The following KSR2 variants were observed in gnomAD, a reference collection of about 807,000 sequenced individuals.
The protein encoded by KSR2 is kinase suppressor of ras 2.
In KSR2, 25 loss-of-function variants were observed where a neutral mutation model predicts 107.8. The ratio of observed to expected loss-of-function variants is 0.23; its 90% CI spans 0.17 to 0.32. The LOEUF is 0.32. KSR2 is among the 10% of genes least tolerant of loss of function. The pLI is 1.00. For missense variants in KSR2, 887 were observed against 1,268.9 expected, an observed-to-expected ratio of 0.70 and a Z score of 4.57; for synonymous variants, 480 against 507.0, an observed-to-expected ratio of 0.95 and a Z score of 0.71.
chr12:117,655,268 T>A (rs1168412307), intron 5 of KSR2, among the ~76,000 whole-genome samples: 2 of 152,206 alleles, frequency 1.3e-5, no homozygotes, highest in Non-Finnish European at 2.9e-5. Context: ...GCATTGCCTC[T>A]GACCAAGGCA....
intron 4 of KSR2, among the ~76,000 whole-genome samples, chr12:117,755,385 A>C (rs1006805604): frequency 6.6e-6 from 1 of 152,194 alleles, no homozygotes; most frequent in African/African-American, 2.4e-5. Flanking sequence ...TCTGTGTCAC[A>C]TTTTGGTCAT....
chr12:117,590,880 CAGCAGAAAGATTTTTTCCATGG>C (rs1277880708), intron 5 of KSR2, among the ~76,000 whole-genome samples: 32 of 152,260 alleles, frequency 2.1e-4, no homozygotes, highest in African/African-American at 7.7e-4. Context: ...CTTGGCTAAT[CAGCAGAAAGATTTTTTCCATGG>C]AGCCAGAAGA....
chr12:117,818,196 G>C (rs567269394), intron 3 of KSR2, among the ~76,000 whole-genome samples: 108 of 152,246 alleles, frequency 7.1e-4, no homozygotes, highest in African/African-American at 2.5e-3. Flanking sequence ...CAATCTCTGG[G>C]GTCACACTGC....
intron 4 of KSR2, among the ~76,000 whole-genome samples, chr12:117,715,017 C>T (rs1338414673): frequency 2.6e-5 from 4 of 151,742 alleles, no homozygotes; most frequent in African/African-American, 9.7e-5. Flanking sequence ...TTCAGAGCCC[C>T]AGAAAAAAAA....
intron 7 of KSR2, among the ~76,000 whole-genome samples, chr12:117,578,694 G>A (rs955871121): frequency 1.3e-4 from 19 of 151,766 alleles, no homozygotes; most frequent in African/African-American, 4.4e-4. Flanking sequence ...GCCACAGCCA[G>A]CCTGCAGTCT....
At chr12:117,664,568 C>T (rs1884575822) in intron 5 of KSR2, among the ~76,000 whole-genome samples, 1 of 152,118 alleles carries the variant, frequency 6.6e-6, no homozygotes, top group Non-Finnish European at 1.5e-5. Context: ...CAACCCCAAG[C>T]CCCACCCAGA....
rs192886889 is a variant in KSR2 at position 117,897,036 on chromosome 12, C to A, written c.181-36605G>T. 2.6e-4 allele frequency among the ~76,000 whole-genome samples: 40 copies of A among 152,266 alleles called. No individual in the cohort carries two copies. Among genetic ancestry groups the A allele is most frequent in the Admixed American group, 2.4e-3 (36 of 15,292 alleles). On this transcript the variant is annotated intron_variant, in intron 1 of 19. Coordinates refer to ENST00000339824, the MANE Select transcript of KSR2 (RefSeq NM_173598.6). The surrounding 1 kb of genome is among the most constrained non-coding windows in gnomAD (Gnocchi z 4.5). ...GGGCAGTGATACTTCATCTGCCTAACCAGGAGGTGTTAGAGTGAAGAGGTT... is the reference window on the plus strand; with the variant it reads ...GGGCAGTGATACTTCATCTGCCTAAACAGGAGGTGTTAGAGTGAAGAGGTT...
At chr12:117,725,792 C>T (rs1887401925) in intron 4 of KSR2, among the ~76,000 whole-genome samples, 1 of 151,576 alleles carries the variant, frequency 6.6e-6, no homozygotes, top group African/African-American at 2.4e-5. Context: ...CTAAAAAATA[C>T]AAAAATTAGC....
At chr12:117,483,780 A>T (rs529966909) in intron 16 of KSR2, among the ~76,000 whole-genome samples, 1 of 152,344 alleles carries the variant, frequency 6.6e-6, no homozygotes, top group Admixed American at 6.5e-5. Flanking sequence ...TAATTGCTAC[A>T]ACTCAGCAGC....
chr12:117,936,548 G>T (rs1022393195), intron 1 of KSR2, among the ~76,000 whole-genome samples: 2 of 150,666 alleles, frequency 1.3e-5, no homozygotes, highest in East Asian at 2.0e-4. Context: ...AGTAGTAGTA[G>T]TAGTAGTAGT....
At chr12:117,888,623 A>G (rs538857105) in intron 1 of KSR2, among the ~76,000 whole-genome samples, 1 of 152,202 alleles carries the variant, frequency 6.6e-6, no homozygotes, top group African/African-American at 2.4e-5. Context: ...CCATGTGAGG[A>G]CACAGAAAGA....
At chr12:117,633,867 C>G (rs573781290) in intron 5 of KSR2, among the ~76,000 whole-genome samples, 113 of 152,294 alleles carry the variant, frequency 7.4e-4, no homozygotes, top group African/African-American at 2.6e-3. Context: ...ATTTCACCTG[C>G]ACTGTGCTCC....
intron 7 of KSR2, among the ~76,000 whole-genome samples, chr12:117,578,583 C>G (rs557389578): frequency 7.9e-6 from 1 of 126,826 alleles, no homozygotes; most frequent in Admixed American, 1.1e-4. Context: ...CCCTGGGTGA[C>G]AGAGCAAGAC....
chr12:117,889,430 C>T (rs775414492), intron 1 of KSR2: 4 of 152,124 alleles, frequency 2.6e-5, no homozygotes, highest in Non-Finnish European at 5.9e-5. Context: ...AATCCTCACT[C>T]GCAGCCTCTT....
chr12:117,825,350 T>TG (rs1171546784), intron 3 of KSR2, among the ~76,000 whole-genome samples: 6 of 151,992 alleles, frequency 3.9e-5, no homozygotes, highest in Admixed American at 3.9e-4. Flanking sequence ...GATGCATGGT[T>TG]GGGGGCATGG....
intron 10 of KSR2, 87 bp downstream of exon 10, chr12:117,539,632 A>T (rs1487747496): frequency 1.5e-6 from 2 of 1,306,206 alleles, no homozygotes. Flanking sequence ...GACTTGCTGC[A>T]TCAGGGCTCT....
intron 1 of KSR2, among the ~76,000 whole-genome samples, chr12:117,948,489 CA>C (rs1180417915): frequency 0.011 from 963 of 90,348 alleles, 6 homozygotes; most frequent in Middle Eastern, 0.025. Context: ...GACTCCGTCT[CA>C]AAAAAAAAAA....
chr12:117,807,646 A>G (rs973074459), intron 3 of KSR2, among the ~76,000 whole-genome samples: 1 of 152,196 alleles, frequency 6.6e-6, no homozygotes, highest in South Asian at 2.1e-4. Flanking sequence ...CTATAAATGC[A>G]TCATAAACAT....
At chr12:117,789,527 G>C (rs1348910816) in intron 3 of KSR2, among the ~76,000 whole-genome samples, 1 of 152,244 alleles carries the variant, frequency 6.6e-6, no homozygotes, top group African/African-American at 2.4e-5. Context: ...GCTCAGAGAA[G>C]CAAAGGATGT....
Sources: allele counts gnomAD v4.1 joint callset (sites outside exome capture counted in the v4.1 genomes callset), GRCh38; gene constraint gnomAD v4.1.1; non-coding constraint Gnocchi (gnomAD v3.1); transcripts MANE v1.5; gene names NCBI Gene and HGNC (gene_info 2026-07-23, HGNC 2026-07-21).